The following HDAC4 variants were observed in gnomAD, a reference collection of about 807,000 sequenced individuals.
HDAC4 encodes histone deacetylase 4.
A neutral mutation model predicts 135.1 loss-of-function variants in HDAC4; 16 were observed. That is an observed-to-expected ratio of 0.12 (90% CI 0.08 to 0.18). The LOEUF is 0.18. HDAC4 is among the 10% of genes least tolerant of loss of function. The pLI is 1.00. For missense variants in HDAC4, 1,143 were observed against 1,511.8 expected (o/e 0.76, Z 4.05); for synonymous variants, 685 against 653.4 (o/e 1.05, Z -0.74).
At chr2:239,390,774 C>G (rs1242872172) in intron 1 of HDAC4, among the ~76,000 whole-genome samples, 1 of 152,192 alleles carries the variant, frequency 6.6e-6, no homozygotes, top group East Asian at 1.9e-4. Flanking sequence ...GAGCCTGGAC[C>G]TGAGCACCCA....
At chr2:239,169,344 G>A (rs968419189) in intron 5 of HDAC4, among the ~76,000 whole-genome samples, 2 of 152,206 alleles carry the variant, frequency 1.3e-5, no homozygotes, top group African/African-American at 4.8e-5. Flanking sequence ...GCACACCCGC[G>A]ATGTGGGTCC....
chr2:239,126,403 C>G, intron 12 of HDAC4, 53 bp downstream of exon 12: 2 of 1,611,350 alleles, frequency 1.2e-6, no homozygotes, highest in South Asian at 2.2e-5. Context: ...GAGGCTGAAG[C>G]GCACAGCACA....
chr2:239,118,239 T>C (rs550009601), intron 12 of HDAC4, among the ~76,000 whole-genome samples: 1 of 152,320 alleles, frequency 6.6e-6, no homozygotes, highest in Admixed American at 6.5e-5. Flanking sequence ...AAGAGCAGTT[T>C]AAAGTACGGC....
At chr2:239,247,465 C>G (rs1559280778) in intron 2 of HDAC4, among the ~76,000 whole-genome samples, 1 of 152,176 alleles carries the variant, frequency 6.6e-6, no homozygotes. Context: ...ACGTGCGGGG[C>G]GAGAGACTCC....
chr2:239,142,011 T>C (rs767927049), intron 8 of HDAC4, among the ~76,000 whole-genome samples: 1 of 151,950 alleles, frequency 6.6e-6, no homozygotes, highest in Non-Finnish European at 1.5e-5. Context: ...CGCAGGAAGA[T>C]GGTGAGAACT....
chr2:239,303,293 G>C lies in HDAC4; in HGVS notation c.22+49385C>G, dbSNP rs145521971. On this transcript the variant is annotated intron_variant, in intron 2 of 26. Transcript: ENST00000543185. The surrounding 1 kb of genome is among the most constrained non-coding windows in gnomAD (Gnocchi z 5.1). ...AGCTTGACAATGTGAAATAAGTTTC[G>C]CTTCCTTTTTATCTACGCTCCCGGA... 6.6e-6 allele frequency among the ~76,000 whole-genome samples: 1 copy of C among 152,198 alleles called. No individual in the cohort carries two copies. Among genetic ancestry groups the C allele is most frequent in the Non-Finnish European group, 1.5e-5 (1 of 68,038 alleles).
At chr2:239,136,740 AT>A (rs2040983930) in intron 9 of HDAC4, among the ~76,000 whole-genome samples, 1 of 152,206 alleles carries the variant, frequency 6.6e-6, no homozygotes, top group Non-Finnish European at 1.5e-5. Context: ...CTGAAGAGAC[AT>A]TTCCCCAAAG....
Position 239,285,328 on chromosome 2 carries a change from C to T in HDAC4, c.23-48664G>A, listed in dbSNP as rs546412984. Among the ~76,000 whole-genome samples, 378 of 152,334 alleles carry T rather than the reference C, an allele frequency of 2.5e-3. 5 individuals are homozygous for T. Among genetic ancestry groups the T allele is most frequent in the Non-Finnish European group, 2.4e-3 (160 of 68,036 alleles). On this transcript the variant is annotated intron_variant, in intron 2 of 26. Transcript: ENST00000543185. The surrounding 1 kb of genome is among the most constrained non-coding windows in gnomAD (Gnocchi z 4.5). Reference sequence around the variant, plus strand: ...CGCGCCGCGGCTGGGCCCCCAAGTTCGCGGCTGTGCAGCGTGGCCAGAATG... The same window carrying T: ...CGCGCCGCGGCTGGGCCCCCAAGTTTGCGGCTGTGCAGCGTGGCCAGAATG...
intron 19 of HDAC4, 142 bp from the exon 20 acceptor site, chr2:239,084,384 A>T (rs868104029): frequency 7.7e-5 from 53 of 686,234 alleles, no homozygotes; most frequent in South Asian, 6.1e-4. Context: ...GTCGCAGGGA[A>T]CCCTCAGTGA....
intron 2 of HDAC4, among the ~76,000 whole-genome samples, chr2:239,251,647 A>G (rs1301823653): frequency 6.6e-6 from 1 of 152,176 alleles, no homozygotes; most frequent in African/African-American, 2.4e-5. Context: ...CAGTACCTGC[A>G]GTCCTAGCTC....
chr2:239,194,576 G>A (rs559496289), intron 3 of HDAC4, among the ~76,000 whole-genome samples: 6 of 152,280 alleles, frequency 3.9e-5, no homozygotes, highest in African/African-American at 1.2e-4. Flanking sequence ...AACAGCCAGC[G>A]AGCAGCCTGG....
intron 9 of HDAC4, among the ~76,000 whole-genome samples, chr2:239,136,461 T>C (rs1292652017): frequency 6.6e-6 from 1 of 152,210 alleles, no homozygotes; most frequent in Non-Finnish European, 1.5e-5. Flanking sequence ...CTGAGGTTGA[T>C]TCGACCTCTT....
At chr2:239,293,792 G>A (rs542613868) in intron 2 of HDAC4, among the ~76,000 whole-genome samples, 1 of 152,206 alleles carries the variant, frequency 6.6e-6, no homozygotes, top group Non-Finnish European at 1.5e-5. Context: ...TGGACATACA[G>A]TTTACGTGCT....
Position 239,048,423 on chromosome 2 carries a change from G to A in HDAC4, c.*4674C>T, listed in dbSNP as rs2030280072. The A allele has an allele frequency of 6.6e-6, 1 of 152,242 alleles. No homozygotes were observed. The highest frequency in any genetic ancestry group is 1.5e-5 in the Non-Finnish European group (1 of 68,052). The allele number at this position is 152,242 out of a possible 1,614,324, so 9.4% of individuals were successfully genotyped here. A position where few individuals can be genotyped will look rare whatever the true frequency, so the allele number is the denominator to read the frequency against. ...CAAGAGAAACGGATTAAATTACAGA[G>A]GTGAATGGTGGCCACGGCCAGTGCG... is the stretch of plus-strand genomic sequence containing the variant. On this transcript the variant is annotated 3_prime_UTR_variant, in exon 27 of 27. Transcript: ENST00000543185.
chr2:239,274,976 T>C (rs1456802466), intron 2 of HDAC4, among the ~76,000 whole-genome samples: 2 of 152,146 alleles, frequency 1.3e-5, no homozygotes, highest in East Asian at 3.9e-4. Flanking sequence ...TGTCCTGGAG[T>C]GATTTTGTGT....
chr2:239,140,301 A>G (rs1330460522), intron 8 of HDAC4, among the ~76,000 whole-genome samples: 5 of 152,192 alleles, frequency 3.3e-5, no homozygotes. Context: ...CCTGAGATCT[A>G]TCCGTGCTAC....
chr2:239,103,056 C>T (rs2037802927), intron 15 of HDAC4, among the ~76,000 whole-genome samples, 160 bp from the exon 16 acceptor site: 1 of 152,188 alleles, frequency 6.6e-6, no homozygotes, highest in Non-Finnish European at 1.5e-5. Flanking sequence ...AGCAACATCA[C>T]CCAACGTGAT....
intron 7 of HDAC4, 49 bp from the exon 8 acceptor site, chr2:239,144,763 A>G (rs760850331): frequency 6.3e-7 from 1 of 1,596,140 alleles, no homozygotes; most frequent in Non-Finnish European, 8.6e-7. Flanking sequence ...CCACTGGCTC[A>G]AGGTTATCCT....
chr2:239,341,444 A>C (rs547871537), intron 2 of HDAC4, among the ~76,000 whole-genome samples: 1 of 152,352 alleles, frequency 6.6e-6, no homozygotes, highest in Non-Finnish European at 1.5e-5. Flanking sequence ...GTGAAAACAA[A>C]GAGTGTCAAG....
Sources: allele counts gnomAD v4.1 joint callset (sites outside exome capture counted in the v4.1 genomes callset), GRCh38; gene constraint gnomAD v4.1.1; non-coding constraint Gnocchi (gnomAD v3.1); transcripts MANE v1.5; gene names NCBI Gene and HGNC (gene_info 2026-07-23, HGNC 2026-07-21).